The following ATP2C2 variants were observed in gnomAD, a reference collection of about 807,000 sequenced individuals.
ATP2C2 encodes the protein ATPase secretory pathway Ca2+ transporting 2.
Under a neutral mutation model 110.8 loss-of-function variants are expected in ATP2C2, and 171 were observed. The observed-to-expected ratio is 1.54, with a 90% CI of 1.36 to 1.75. The LOEUF (loss-of-function observed/expected upper bound fraction) is 1.75, where lower values mean the gene tolerates loss of function less well. ATP2C2 is among the 40% of genes most tolerant of loss of function. The pLI, the probability that ATP2C2 is intolerant of heterozygous loss-of-function variation, is 0.00. For synonymous variants in ATP2C2, 804 were observed against 508.4 expected, an observed-to-expected ratio of 1.58 and a Z score of -7.82; for missense variants, 1,963 against 1,235.0, an observed-to-expected ratio of 1.59 and a Z score of -8.84.
At chr16:84,373,266 G>A (rs1180346377) in intron 1 of ATP2C2, among the ~76,000 whole-genome samples, 4 of 152,208 alleles carry the variant, frequency 2.6e-5, no homozygotes, top group African/African-American at 4.8e-5. Context: ...TTGGAAAGCC[G>A]AGGCAGGCGG....
chr16:84,377,768 C>G (rs897095265), intron 1 of ATP2C2, among the ~76,000 whole-genome samples: 11 of 152,054 alleles, frequency 7.2e-5, no homozygotes, highest in African/African-American at 2.7e-4. Context: ...ACACCATGTT[C>G]TGTGTAGAAA....
chr16:84,452,237 G>T (rs543011087), intron 18 of ATP2C2, 146 bp downstream of exon 18: 1 of 1,033,006 alleles, frequency 9.7e-7, no homozygotes. Flanking sequence ...CTGAGTATTC[G>T]TGTGCCAGCA....
intron 1 of ATP2C2, among the ~76,000 whole-genome samples, chr16:84,371,614 A>G (rs1909958474): frequency 6.6e-6 from 1 of 152,240 alleles, no homozygotes; most frequent in South Asian, 2.1e-4. Context: ...ATTGGAGCAG[A>G]AATTCCTGCT....
At chr16:84,385,619 C>T (rs751445417) in intron 1 of ATP2C2, among the ~76,000 whole-genome samples, 6 of 152,120 alleles carry the variant, frequency 3.9e-5, no homozygotes, top group Non-Finnish European at 8.8e-5. Context: ...GAGTAATTTA[C>T]AAAGAAAAGA....
chr16:84,455,081 T>G, intron 21 of ATP2C2, 97 bp downstream of exon 21: 6 of 1,391,582 alleles, frequency 4.3e-6, no homozygotes, highest in East Asian at 2.5e-5. Context: ...GGGGGGGGTC[T>G]CGCGGAGTCC....
At chr16:84,434,979 A>G (rs941691971) in intron 11 of ATP2C2, among the ~76,000 whole-genome samples, 7 of 152,236 alleles carry the variant, frequency 4.6e-5, no homozygotes, top group African/African-American at 1.4e-4. Flanking sequence ...CATAAAACCA[A>G]CGAAGCCTTC....
intron 9 of ATP2C2, 53 bp from the exon 10 acceptor site, chr16:84,423,135 G>A (rs1907503685): frequency 6.7e-7 from 1 of 1,498,298 alleles, no homozygotes; most frequent in South Asian, 1.1e-5. Flanking sequence ...TTGAACAAAG[G>A]CAGGCAGAAG....
intron 11 of ATP2C2, among the ~76,000 whole-genome samples, chr16:84,436,317 A>C (rs918516727): frequency 6.6e-6 from 1 of 152,130 alleles, no homozygotes; most frequent in Admixed American, 6.5e-5. Flanking sequence ...GTCCCTGGTG[A>C]CTTGGTGGTG....
intron 1 of ATP2C2, among the ~76,000 whole-genome samples, chr16:84,395,152 T>C (rs1362948425): frequency 1.3e-5 from 2 of 151,442 alleles, no homozygotes; most frequent in African/African-American, 2.4e-5. Flanking sequence ...GAGCTGGGAG[T>C]GTGTAGGTGG....
chr16:84,442,277 C>T (rs1909333323), intron 14 of ATP2C2, among the ~76,000 whole-genome samples: 1 of 152,180 alleles, frequency 6.6e-6, no homozygotes, highest in South Asian at 2.1e-4. Context: ...CTCGTCACCA[C>T]CCGTGCACCT....
chr16:84,374,599 T>A (rs942188134), intron 1 of ATP2C2, among the ~76,000 whole-genome samples: 2 of 152,104 alleles, frequency 1.3e-5, no homozygotes, highest in African/African-American at 4.8e-5. Flanking sequence ...GAGTCCCAAC[T>A]AGAAGGAACT....
At chr16:84,455,089 TC>T in intron 21 of ATP2C2, 105 bp downstream of exon 21, 2 of 1,379,366 alleles carry the variant, frequency 1.4e-6, no homozygotes, top group Non-Finnish European at 2.0e-6. Context: ...TCTCGCGGAG[TC>T]CCCAGGGAGA....
chr16:84,404,809 CT>C (rs35653774), intron 2 of ATP2C2: 105,984 of 273,106 alleles, frequency 0.39, 14,039 homozygotes, highest in African/African-American at 0.53. Flanking sequence ...TTCCCAAGAC[CT>C]TTTTTTTTTT....
chr16:84,426,825 TTGA>T (rs1205873429), intron 11 of ATP2C2, among the ~76,000 whole-genome samples: 1 of 152,144 alleles, frequency 6.6e-6, no homozygotes, highest in African/African-American at 2.4e-5. Context: ...TCATCATCAC[TTGA>T]TGATGCTAAG....
rs1210828370 is a variant in ATP2C2, at chr16:84,410,687, G to C, written c.454-17G>C. The C allele has an allele frequency of 6.8e-6, 11 of 1,614,128 alleles. No homozygotes were observed. The highest frequency in any genetic ancestry group is 2.2e-5 in the East Asian group (1 of 44,878). On this transcript the variant is annotated splice_polypyrimidine_tract_variant and intron_variant, in intron 5 of 26. Transcript: ENST00000262429. The stretch of plus-strand genomic sequence containing the variant: ...GTCCCCACCTTTAAACAGCACATCT[G>C]ATGTGCTTCCTGCCAGGAGTACAGG...
chr16:84,458,833 G>A (rs993663887), intron 21 of ATP2C2, among the ~76,000 whole-genome samples: 49 of 152,320 alleles, frequency 3.2e-4, no homozygotes, highest in African/African-American at 1.1e-3. Context: ...GGCCCCCTGG[G>A]CTCGGCCGGA....
At chr16:84,421,092 C>T (rs1386868553) in intron 7 of ATP2C2, among the ~76,000 whole-genome samples, 1 of 152,240 alleles carries the variant, frequency 6.6e-6, no homozygotes, top group African/African-American at 2.4e-5. Flanking sequence ...AGGTGTTAGC[C>T]ACCATGCCCG....
intron 1 of ATP2C2, among the ~76,000 whole-genome samples, chr16:84,374,123 T>A (rs1597724585): frequency 6.6e-6 from 1 of 152,246 alleles, no homozygotes; most frequent in African/African-American, 2.4e-5. Flanking sequence ...ACTACTACAC[T>A]TAGTGCTCAT....
At chr16:84,437,090 A>C (rs1237922392) in intron 11 of ATP2C2, among the ~76,000 whole-genome samples, 1 of 152,188 alleles carries the variant, frequency 6.6e-6, no homozygotes, top group Non-Finnish European at 1.5e-5. Context: ...CTTTATTGAG[A>C]TATAATTCAC....
Sources: gnomAD v4.1 joint callset for allele counts (sites outside exome capture counted in the v4.1 genomes callset) on GRCh38, gnomAD v4.1.1 for gene constraint, MANE v1.5 for transcripts, NCBI Gene and HGNC (gene_info 2026-07-23, HGNC 2026-07-21) for gene names.